MTX1: variants seen among roughly 807,000 people sequenced by gnomAD.
MTX1 encodes metaxin 1.
MTX1 carries 20 observed loss-of-function variants against 39.4 expected under a neutral mutation model. The observed-to-expected ratio is 0.51, with a 90% CI of 0.36 to 0.74. MTX1 has a LOEUF of 0.74. Among genes scored for constraint, MTX1 ranks in the 30% least tolerant of loss-of-function variants. MTX1 has a pLI of 0.00. For missense variants in MTX1, 481 were observed against 485.9 expected (o/e 0.99, Z 0.10); for synonymous variants, 209 against 198.6 (o/e 1.05, Z -0.44).
Position 155,210,616 on chromosome 1 carries a change from C to T in MTX1, c.667C>T (p.Leu223Phe). ...AGTTCCACACAAGATCATCACCCAC[C>T]TTCGAAAAGAGGTAGGTGACTTGGA... is the stretch of plus-strand genomic sequence containing the variant. ...ISVPHKIITH[L>F]RKEKYNADYD... The change falls in exon 3 of 8, where the codon CTT (leucine) becomes TTT (phenylalanine). Residue 223 changes from leucine (L) to phenylalanine (F), a missense_variant. By Grantham distance (22) the Leu-to-Phe change is conservative (BLOSUM62 0). Coordinates refer to ENST00000368376, the MANE Select transcript of MTX1 (RefSeq NM_002455.5). 6.2e-7 allele frequency: 1 copy of T among 1,613,926 alleles called. No homozygotes were observed. The highest frequency in any genetic ancestry group is 8.5e-7 in the Non-Finnish European group (1 of 1,179,980).
Position 155,210,585 on chromosome 1 carries a change from C to A in MTX1, c.636C>A (p.Val212=). The change falls in exon 3 of 8, where the codon GTC becomes GTA. Residue 212 remains valine (V), a synonymous_variant. Transcript: ENST00000368376. The stretch of plus-strand genomic sequence containing the variant: ...CCCTTCGGACCAGTCATGGAGAGGT[C>A]ATCTCAGTTCCACACAAGATCATCA... The part of the protein sequence containing the change: ...LPALRTSHGE[V]ISVPHKIITH... 6.2e-7 allele frequency: 1 copy of A among 1,614,154 alleles called. No homozygotes were observed. The highest frequency in any genetic ancestry group is 8.5e-7 in the Non-Finnish European group (1 of 1,180,040).
rs1671151643 is a variant in MTX1 at position 155,212,201 on chromosome 1, G to A, written c.753G>A (p.Glu251=). Residue 251 remains glutamate, a synonymous_variant, in exon 4 of 8, where the codon GAG becomes GAA. Coordinates refer to ENST00000368376, the MANE Select transcript of MTX1 (RefSeq NM_002455.5). The part of the protein sequence containing the change: ...DTLAFMSLLE[E]KLLPVLVHTF... Reference sequence around the variant, plus strand: ...TGGCCTTCATGTCTCTCCTGGAGGAGAAGTTGCTCCCGGTGCTGGTGAGTG... The same window carrying A: ...TGGCCTTCATGTCTCTCCTGGAGGAAAAGTTGCTCCCGGTGCTGGTGAGTG... The A allele has an allele frequency of 6.2e-7, 1 of 1,612,140 alleles. No homozygotes were observed. Among genetic ancestry groups the A allele is most frequent in the South Asian group, 1.1e-5 (1 of 90,798 alleles).
intron 3 of MTX1, chr1:155,211,167 T>G (rs1671120180): frequency 6.5e-6 from 1 of 154,524 alleles, no homozygotes; most frequent in African/African-American, 2.4e-5. Context: ...CTTCTAGCAT[T>G]GACGGTCAGG....
intron 1 of MTX1, among the ~76,000 whole-genome samples, chr1:155,209,653 C>T (rs1247007715): frequency 6.6e-6 from 1 of 152,158 alleles, no homozygotes; most frequent in Non-Finnish European, 1.5e-5. Context: ...GTTTACTAGG[C>T]TGGACTGTCT....
rs761559280 is a variant in MTX1, at chr1:155,208,970, A to G, written c.166A>G (p.Thr56Ala). 1 of 1,607,370 alleles carries G rather than the reference A, an allele frequency of 6.2e-7. No homozygotes were observed. The highest frequency in any genetic ancestry group is 1.7e-5 in the Admixed American group (1 of 59,412). ...CGCGCCTTCAGGGGTTCGGGGCTCC[A>G]CTTGGACGAGGCGCCGTGACTCTCC... ...PAAPSGVRGS[T>A]WTRRRDSPRR... Residue 56 changes from threonine to alanine, a missense_variant, in exon 1 of 8, where the codon ACT becomes GCT. By Grantham distance (58) the Thr-to-Ala change is moderately conservative. Transcript: ENST00000368376.
In MTX1 at chr1:155,209,343, G is replaced by C; in HGVS notation, c.528+11G>C. 7.1e-7 allele frequency: 1 copy of C among 1,413,160 alleles called. No homozygotes were observed. Among genetic ancestry groups the C allele is most frequent in the Non-Finnish European group, 9.2e-7 (1 of 1,086,932 alleles). 87.5% of individuals were successfully genotyped at this position (1,413,160 alleles called of 1,614,324 possible). ...AGCCTGGCCGTGCTGGTGAGGGGTG[G>C]CGCCGGCGCCCTCTGCTGTGCCCTG... On this transcript the variant is annotated intron_variant, in intron 1 of 7. Coordinates refer to ENST00000368376, the MANE Select transcript of MTX1 (RefSeq NM_002455.5).
At chr1:155,213,193 C>T in intron 6 of MTX1, 44 bp from the exon 7 acceptor site, 1 of 356,274 alleles carries the variant, frequency 2.8e-6, no homozygotes, top group South Asian at 2.7e-5. Context: ...ACCCCTTCTA[C>T]CCCAGTGGTT....
Position 155,208,954 on chromosome 1 carries a change from A to C in MTX1, c.150A>C (p.Ser50=). 6.2e-7 allele frequency: 1 copy of C among 1,609,236 alleles called. No homozygotes were observed. Among genetic ancestry groups the C allele is most frequent in the East Asian group, 2.2e-5 (1 of 44,726 alleles). Residue 50 remains serine, a synonymous_variant, in exon 1 of 8, where the codon TCA becomes TCC. Transcript: ENST00000368376. The part of the protein sequence containing the change: ...RPRSPEPAAP[S]GVRGSTWTRR... Reference sequence around the variant, plus strand: ...GCTCTCCAGAGCCTGCCGCGCCTTCAGGGGTTCGGGGCTCCACTTGGACGA... The same window carrying C: ...GCTCTCCAGAGCCTGCCGCGCCTTCCGGGGTTCGGGGCTCCACTTGGACGA...
In MTX1 at chr1:155,208,926, C is replaced by A. The variant is rs1256804829; in HGVS notation, c.122C>A (p.Pro41His). 1.2e-6 allele frequency: 2 copies of A among 1,611,252 alleles called. No homozygotes were observed. Among genetic ancestry groups the A allele is most frequent in the Admixed American group, 1.7e-5 (1 of 59,940 alleles). Residue 41 changes from proline (P) to histidine (H), a missense_variant, in exon 1 of 8, where the codon CCC (proline) becomes CAC (histidine). By Grantham distance (77) the Pro-to-His change is moderately conservative (BLOSUM62 -2). Around this residue, in one of 2 missense-constraint regions of MTX1, gnomAD observed 368 missense variants for 332.8 expected, o/e 1.11. Transcript: ENST00000368376. ...SPQTWPRRTR[P>H]RSPEPAAPSG... ...CAGACCTGGCCCAGGCGCACAAGACCCCGCTCTCCAGAGCCTGCCGCGCCT... is the reference window on the plus strand; with the variant it reads ...CAGACCTGGCCCAGGCGCACAAGACACCGCTCTCCAGAGCCTGCCGCGCCT...
In MTX1 at chr1:155,210,521, G is replaced by C. The variant is rs376675379; in HGVS notation, c.599-27G>C. ...GTATGACTAGGCAGCTAAGGGTCTG[G>C]TTGGTATACTTCCCTCTCAATATCA... On this transcript the variant is annotated intron_variant, in intron 2 of 7. Transcript: ENST00000368376. 15 of 1,612,686 alleles carry C rather than the reference G, an allele frequency of 9.3e-6. No homozygotes were observed. The African/African-American group carries it at 1.9e-4, about 20-fold the overall frequency.
At position 155,213,109 on chromosome 1, in the gene MTX1, C is replaced by T. The variant is rs1671186223; in HGVS notation, c.1032-128C>T. ...CATACCAGGTCTAGAACTGTGTGTC[C>T]TGTCCTTCCCTGGTGGCCGCCTGCT... On this transcript the variant is annotated intron_variant, in intron 6 of 7. Coordinates refer to ENST00000368376, the MANE Select transcript of MTX1 (RefSeq NM_002455.5). The T allele has an allele frequency of 5.1e-5, 29 of 565,896 alleles. 1 individual carries two copies. In the South Asian group the frequency reaches 5.9e-4, roughly 12 times the overall value. The allele number at this position is 565,896 out of a possible 1,614,324, so 35.1% of individuals were successfully genotyped here.
Position 155,209,062 on chromosome 1 carries a change from C to T in MTX1, c.258C>T (p.Pro86=), listed in dbSNP as rs1318474297. 6.5e-7 allele frequency: 1 copy of T among 1,538,674 alleles called. No homozygotes were observed. The highest frequency in any genetic ancestry group is 8.8e-7 in the Non-Finnish European group (1 of 1,141,684). Residue 86 remains proline, a synonymous_variant, in exon 1 of 8, where the codon CCC becomes CCT. Transcript: ENST00000368376. The part of the protein sequence containing the change: ...VGHLWMGRRP[P]SPEARGPVPR... ...ACCTCTGGATGGGCCGGCGGCCGCC[C>T]TCCCCCGAGGCCCGCGGCCCAGTCC...
At position 155,208,956 on chromosome 1, in the gene MTX1, G is replaced by T. The variant is rs774846663; in HGVS notation, c.152G>T (p.Gly51Val). 6.2e-7 allele frequency: 1 copy of T among 1,609,150 alleles called. No individual in the cohort carries two copies. Among genetic ancestry groups the T allele is most frequent in the South Asian group, 1.1e-5 (1 of 90,536 alleles). Residue 51 changes from glycine (G) to valine (V), a missense_variant, in exon 1 of 8, where the codon GGG (glycine) becomes GTG (valine). Physicochemically the swap from Gly to Val is moderately radical, Grantham distance 109 (BLOSUM62 -3). Coordinates refer to ENST00000368376, the MANE Select transcript of MTX1 (RefSeq NM_002455.5). Reference protein sequence around the residue: ...PRSPEPAAPSGVRGSTWTRRR... With the variant: ...PRSPEPAAPSVVRGSTWTRRR... ...TCTCCAGAGCCTGCCGCGCCTTCAG[G>T]GGTTCGGGGCTCCACTTGGACGAGG...
intron 1 of MTX1, 118 bp from the exon 2 acceptor site, chr1:155,210,228 C>T: frequency 1.1e-6 from 1 of 879,318 alleles, no homozygotes; most frequent in Non-Finnish European, 1.8e-6. Flanking sequence ...TTTTTCGAGA[C>T]TAAGATACTA....
At position 155,209,206 on chromosome 1, in the gene MTX1, G is replaced by A; in HGVS notation, c.402G>A (p.Arg134=). 2.0e-6 allele frequency: 3 copies of A among 1,463,652 alleles called. No homozygotes were observed. The highest frequency in any genetic ancestry group is 2.5e-5 in the East Asian group (1 of 39,672). The allele number at this position is 1,463,652 out of a possible 1,614,324, so 90.7% of individuals were successfully genotyped here. A position where few individuals can be genotyped will look rare whatever the true frequency, so the allele number is the denominator to read the frequency against. The change falls in exon 1 of 8, where the codon AGG becomes AGA. Residue 134 remains arginine, a synonymous_variant. Coordinates refer to ENST00000368376, the MANE Select transcript of MTX1 (RefSeq NM_002455.5). ...AVAGGGPRQG[R]AEAHKEVFPG... Reference sequence around the variant, plus strand: ...CGGGGGGCGGGCCCAGGCAGGGGAGGGCAGAAGCACACAAGGAAGTGTTTC... The same window carrying A: ...CGGGGGGCGGGCCCAGGCAGGGGAGAGCAGAAGCACACAAGGAAGTGTTTC...
chr1:155,210,778 A>G (rs1049661039), intron 3 of MTX1, 151 bp downstream of exon 3: 25 of 721,310 alleles, frequency 3.5e-5, no homozygotes, highest in Non-Finnish European at 5.5e-5. Context: ...GACACACACA[A>G]TGTCACTGTG....
chr1:155,212,104 C>T (rs376771258), intron 3 of MTX1, 23 bp from the exon 4 acceptor site: 27 of 1,583,200 alleles, frequency 1.7e-5, no homozygotes, highest in East Asian at 1.1e-4. Context: ...CTAGTGTCCA[C>T]GCCATGGATA....
chr1:155,210,222 TCGAGAC>T, intron 1 of MTX1, 118 bp from the exon 2 acceptor site: 12 of 833,538 alleles, frequency 1.4e-5, no homozygotes, highest in Admixed American at 4.3e-5. Flanking sequence ...CCCTTTTTTT[TCGAGAC>T]TAAGATACTA....
chr1:155,208,767 C>T lies in MTX1; in HGVS notation c.-38C>T. 1.4e-6 allele frequency: 2 copies of T among 1,448,080 alleles called. No individual in the cohort carries two copies. The highest frequency in any genetic ancestry group is 2.5e-5 in the Admixed American group (1 of 40,038). The allele number at this position is 1,448,080 out of a possible 1,614,324, so 89.7% of individuals were successfully genotyped here. A position where few individuals can be genotyped will look rare whatever the true frequency, so the allele number is the denominator to read the frequency against. On this transcript the variant is annotated 5_prime_UTR_variant, in exon 1 of 8. Transcript: ENST00000368376. The stretch of plus-strand genomic sequence containing the variant: ...GTTTTGTTTCCATGGCGACAGGCGG[C>T]GCAGGGCCCGCTCCAAACATAACGC...
Sources: allele counts gnomAD v4.1 joint callset (sites outside exome capture counted in the v4.1 genomes callset), GRCh38; gene constraint gnomAD v4.1.1; regional missense constraint gnomAD v4.1.1; transcripts MANE v1.5; gene names NCBI Gene and HGNC (gene_info 2026-07-23, HGNC 2026-07-21).